The following WWOX variants were observed in gnomAD, a reference collection of about 807,000 sequenced individuals.
WWOX encodes the protein WW domain containing oxidoreductase.
In WWOX, 69 loss-of-function variants were observed where a neutral mutation model predicts 46.2. That is an observed-to-expected ratio of 1.49 (90% CI 1.23 to 1.82). The LOEUF (loss-of-function observed/expected upper bound fraction) is 1.82, where lower values mean the gene tolerates loss of function less well. Among genes scored for constraint, WWOX ranks in the 40% most tolerant of loss-of-function variants. The pLI is 0.00. For missense variants in WWOX, 919 were observed against 542.6 expected, an observed-to-expected ratio of 1.69 and a Z score of -6.89; for synonymous variants, 359 against 202.6, an observed-to-expected ratio of 1.77 and a Z score of -6.56.
intron 8 of WWOX, among the ~76,000 whole-genome samples, chr16:78,434,451 A>C (rs1042164051): frequency 3.3e-5 from 5 of 152,200 alleles, no homozygotes; most frequent in African/African-American, 1.2e-4. Context: ...TTCAGTTTAC[A>C]TGAAAAGAAG....
rs1284352745 is a variant in WWOX at position 78,988,366 on chromosome 16, AAAAG to A, written c.1057-223234_1057-223231del. Among the ~76,000 whole-genome samples the A allele has an allele frequency of 5.9e-5, 9 of 151,976 alleles. No homozygotes were observed. The East Asian group carries it at 7.8e-4, about 13-fold the overall frequency. ...TCTCAAAAAAAATAAAAAAAAAAAA[AAAAG>A]AAAGAAAATTAATTTCTCAGAGGTA... On this transcript the variant is annotated intron_variant, in intron 8 of 8. Transcript: ENST00000566780.
intron 8 of WWOX, among the ~76,000 whole-genome samples, chr16:78,521,008 G>T (rs1459117209): frequency 6.6e-6 from 1 of 152,156 alleles, no homozygotes; most frequent in Non-Finnish European, 1.5e-5. Flanking sequence ...AATTTGCAGG[G>T]TCAAGGAGAT....
intron 8 of WWOX, among the ~76,000 whole-genome samples, chr16:78,992,383 C>G (rs547640910): frequency 8.0e-4 from 122 of 152,186 alleles, no homozygotes; most frequent in African/African-American, 2.7e-3. Flanking sequence ...AGGAGAATTG[C>G]TTGAATCCGG....
intron 8 of WWOX, among the ~76,000 whole-genome samples, chr16:78,908,736 T>TG (rs758539399): frequency 6.6e-6 from 1 of 152,092 alleles, no homozygotes; most frequent in Admixed American, 6.5e-5. Context: ...GCTGGCCTCT[T>TG]GCACTGAGTC....
chr16:78,751,023 A>T (rs1320430501), intron 8 of WWOX, among the ~76,000 whole-genome samples: 2 of 152,144 alleles, frequency 1.3e-5, no homozygotes, highest in Non-Finnish European at 2.9e-5. Flanking sequence ...TAAGATTGCT[A>T]GGTCAAATGG....
At position 79,211,625 on chromosome 16, in the gene WWOX, C is replaced by T. The variant is rs2150867402; in HGVS notation, c.1074C>T (p.Thr358=). ...FTKSMQQGAA[T]TVYCAAVPEL... ...ATTTCCAGCAACAGGGAGCTGCCAC[C>T]ACCGTGTACTGTGCTGCTGTCCCAG... Residue 358 remains threonine, a synonymous_variant, in exon 9 of 9, where the codon ACC becomes ACT. Coordinates refer to ENST00000566780, the MANE Select transcript of WWOX (RefSeq NM_016373.4). 1 of 1,614,192 alleles carries T rather than the reference C, an allele frequency of 6.2e-7. No individual in the cohort carries two copies. The highest frequency in any genetic ancestry group is 2.2e-5 in the East Asian group (1 of 44,866).
At chr16:78,406,302 A>AT (rs2082532705) in intron 6 of WWOX, among the ~76,000 whole-genome samples, 8 of 77,736 alleles carry the variant, frequency 1.0e-4, no homozygotes, top group Non-Finnish European at 1.3e-4. Context: ...ATATAAATAT[A>AT]AATATATATA....
intron 5 of WWOX, among the ~76,000 whole-genome samples, chr16:78,277,275 A>C (rs570134503): frequency 6.6e-6 from 1 of 152,318 alleles, no homozygotes; most frequent in African/African-American, 2.4e-5. Context: ...TTTCCTCAGC[A>C]TTCTGTAGAT....
At chr16:78,366,302 G>C (rs1776793129) in intron 5 of WWOX, among the ~76,000 whole-genome samples, 1 of 152,200 alleles carries the variant, frequency 6.6e-6, no homozygotes, top group Non-Finnish European at 1.5e-5. Context: ...CATTTTACAA[G>C]GCAAAGTGTT....
chr16:78,100,315 C>T, intron 1 of WWOX: 2 of 920,430 alleles, frequency 2.2e-6, no homozygotes, highest in South Asian at 3.6e-5. Flanking sequence ...TGCAGGGGTG[C>T]CATCATAGCC....
intron 5 of WWOX, among the ~76,000 whole-genome samples, chr16:78,258,730 A>G (rs2038199238): frequency 6.6e-6 from 1 of 151,132 alleles, no homozygotes; most frequent in Non-Finnish European, 1.5e-5. Context: ...AAAAAAAAAA[A>G]AAAGGGCATA....
intron 8 of WWOX, among the ~76,000 whole-genome samples, chr16:79,139,912 G>A (rs977922040): frequency 7.2e-5 from 11 of 152,320 alleles, no homozygotes; most frequent in African/African-American, 2.2e-4. Flanking sequence ...TTTGAAAGAA[G>A]CAAAGTTGTA....
At chr16:78,780,203 C>A (rs1490010580) in intron 8 of WWOX, among the ~76,000 whole-genome samples, 1 of 152,128 alleles carries the variant, frequency 6.6e-6, no homozygotes, top group Non-Finnish European at 1.5e-5. Flanking sequence ...TCTTCTCCTT[C>A]CAAGAAAAAA....
At chr16:78,128,972 G>C (rs765061973) in intron 4 of WWOX, among the ~76,000 whole-genome samples, 1 of 152,102 alleles carries the variant, frequency 6.6e-6, no homozygotes, top group East Asian at 1.9e-4. Flanking sequence ...CTAAGTTCAC[G>C]TACAGTTACT....
At chr16:78,446,481 C>G (rs1206644931) in intron 8 of WWOX, among the ~76,000 whole-genome samples, 1 of 152,078 alleles carries the variant, frequency 6.6e-6, no homozygotes, top group East Asian at 1.9e-4. Flanking sequence ...GCATTTCTGT[C>G]ACATCCCAGG....
At chr16:78,767,464 G>T (rs891775220) in intron 8 of WWOX, among the ~76,000 whole-genome samples, 2 of 118,854 alleles carry the variant, frequency 1.7e-5, no homozygotes, top group Non-Finnish European at 3.6e-5. Flanking sequence ...TAATGTTTCT[G>T]TGTGAGTGTG....
intron 8 of WWOX, among the ~76,000 whole-genome samples, chr16:79,086,869 T>A (rs1026852977): frequency 6.6e-6 from 1 of 151,972 alleles, no homozygotes; most frequent in African/African-American, 2.4e-5. Flanking sequence ...GGTGACAGAG[T>A]GAGACCCTGT....
intron 5 of WWOX, among the ~76,000 whole-genome samples, chr16:78,238,853 A>C (rs569474370): frequency 6.8e-6 from 1 of 148,102 alleles, no homozygotes; most frequent in South Asian, 2.2e-4. Flanking sequence ...TCCGGACCTC[A>C]GGTGATCTGC....
chr16:79,018,479 C>T (rs866061340), intron 8 of WWOX, among the ~76,000 whole-genome samples: 1 of 152,136 alleles, frequency 6.6e-6, no homozygotes, highest in Non-Finnish European at 1.5e-5. Context: ...GCCACTTGGT[C>T]TGTGTCTACA....
Sources: allele counts gnomAD v4.1 joint callset (sites outside exome capture counted in the v4.1 genomes callset), GRCh38; gene constraint gnomAD v4.1.1; transcripts MANE v1.5; gene names NCBI Gene and HGNC (gene_info 2026-07-23, HGNC 2026-07-21).